The following NLRP5 variants were observed in gnomAD, a reference collection of about 807,000 sequenced individuals.
NLRP5 encodes the protein NLR family pyrin domain containing 5, also known as NACHT, LRR and PYD domains-containing protein 5.
In NLRP5, 93 loss-of-function variants were observed where a neutral mutation model predicts 113.1. That is an observed-to-expected ratio of 0.82 (90% CI 0.70 to 0.98). The LOEUF is 0.98. NLRP5 is among the 50% of genes least tolerant of loss of function. The probability of loss-of-function intolerance (pLI) is 0.00; values close to 1 mark genes in which losing one functional copy is unlikely to be tolerated. For missense variants in NLRP5, 1,808 were observed against 1,514.3 expected (o/e 1.19, Z -3.22); for synonymous variants, 751 against 600.7 (o/e 1.25, Z -3.66).
chr19:56,061,476 A>G lies in NLRP5; in HGVS notation c.3551A>G (p.Asp1184Gly), dbSNP rs545995587. ...CTACTCAAGCCCCGAGTCGTAATTG[A>G]CGGTAGTTGGCATTCTTTTGATGAA... The change falls in exon 15 of 15, where the codon GAC becomes GGC. Residue 1184 changes from aspartate to glycine, a missense_variant. Coordinates refer to ENST00000390649, the MANE Select transcript of NLRP5 (RefSeq NM_153447.4). 16 of 1,614,020 alleles carry G rather than the reference A, an allele frequency of 9.9e-6. No homozygotes were observed. In the South Asian group the frequency reaches 1.6e-4, roughly 17 times the overall value.
In NLRP5 at chr19:56,019,365, G is replaced by A; in HGVS notation, c.589G>A (p.Glu197Lys). The change falls in exon 5 of 15, where the codon GAA becomes AAA. Residue 197 changes from glutamate (E) to lysine (K), a missense_variant. Glu to Lys is a moderately conservative substitution (Grantham distance 56). Coordinates refer to ENST00000390649, the MANE Select transcript of NLRP5 (RefSeq NM_153447.4). ...AGAAATTTCACAAGCTATGGAACAA[G>A]AAGGTGCCACAGCAGCAGAGACAGA... is the stretch of plus-strand genomic sequence containing the variant. 1.2e-6 allele frequency: 2 copies of A among 1,613,976 alleles called. No homozygotes were observed. Among genetic ancestry groups the A allele is most frequent in the South Asian group, 2.2e-5 (2 of 91,088 alleles).
intron 9 of NLRP5, 46 bp downstream of exon 9, chr19:56,033,755 T>C (rs1196061561): frequency 1.3e-6 from 2 of 1,522,412 alleles, no homozygotes; most frequent in South Asian, 1.2e-5. Flanking sequence ...TCGTTTTTAC[T>C]TGTGTTTGAA....
intron 9 of NLRP5, among the ~76,000 whole-genome samples, chr19:56,037,762 T>C (rs1289233829): frequency 1.4e-5 from 2 of 146,014 alleles, no homozygotes. Flanking sequence ...TGGAGGGAAG[T>C]GGGGTAGGCA....
chr19:56,037,714 A>AAAAAAATAG, intron 9 of NLRP5, among the ~76,000 whole-genome samples: 1 of 131,672 alleles, frequency 7.6e-6, no homozygotes, highest in Admixed American at 7.6e-5. Context: ...AAAAAAAAAA[A>AAAAAAATAG]TGTTGGCTGG....
At chr19:56,024,495 ACATATG>A (rs1376748420) in intron 6 of NLRP5, among the ~76,000 whole-genome samples, 2 of 141,638 alleles carry the variant, frequency 1.4e-5, no homozygotes, top group East Asian at 2.0e-4. Context: ...ATGCGTATAT[ACATATG>A]TATATGTATA....
intron 10 of NLRP5, among the ~76,000 whole-genome samples, 191 bp from the exon 11 acceptor site, chr19:56,040,731 T>TA (rs1201130507): frequency 6.6e-6 from 1 of 151,796 alleles, no homozygotes; most frequent in Non-Finnish European, 1.5e-5. Flanking sequence ...ATACTTAGAG[T>TA]ATTCTTTTGG....
At chr19:56,017,290 A>C (rs1982443947) in intron 4 of NLRP5, among the ~76,000 whole-genome samples, 1 of 151,370 alleles carries the variant, frequency 6.6e-6, no homozygotes, top group Admixed American at 6.6e-5. Context: ...TATTTTGTTT[A>C]TTTCTTTATT....
intron 3 of NLRP5, among the ~76,000 whole-genome samples, chr19:56,009,783 G>C (rs1190606485): frequency 5.9e-5 from 9 of 152,276 alleles, no homozygotes; most frequent in African/African-American, 2.2e-4. Flanking sequence ...ACCTAATCTG[G>C]TTTGGAAGGG....
intron 10 of NLRP5, among the ~76,000 whole-genome samples, chr19:56,038,618 T>C (rs921902501): frequency 2.0e-5 from 3 of 152,076 alleles, no homozygotes; most frequent in African/African-American, 7.2e-5. Flanking sequence ...AGGCCAGAGC[T>C]CATGCATTCT....
chr19:56,028,036 G>C lies in NLRP5; in HGVS notation c.1803G>C (p.Leu601=), dbSNP rs368341639. The C allele has an allele frequency of 1.2e-6, 2 of 1,613,882 alleles. No homozygotes were observed. The highest frequency in any genetic ancestry group is 2.7e-5 in the African/African-American group (2 of 74,924). Residue 601 remains leucine (L), a synonymous_variant, in exon 7 of 15, where the codon CTG becomes CTC. Transcript: ENST00000390649. ...CCTTGTACTACGTGTTAGAGGGCCT[G>C]GAAATCGAGCCAGCTCTCTGCCCTC... is the stretch of plus-strand genomic sequence containing the variant.
At chr19:56,030,429 C>T (rs1357970607) in intron 7 of NLRP5, among the ~76,000 whole-genome samples, 2 of 151,912 alleles carry the variant, frequency 1.3e-5, no homozygotes, top group Non-Finnish European at 2.9e-5. Flanking sequence ...GTGCTAAGGC[C>T]TTGATAACAG....
At chr19:56,030,827 G>T (rs886749189) in intron 7 of NLRP5, among the ~76,000 whole-genome samples, 2 of 145,764 alleles carry the variant, frequency 1.4e-5, no homozygotes, top group Non-Finnish European at 3.0e-5. Context: ...CGATTCTCCT[G>T]CTTCGGCCTC....
upstream of NLRP5, among the ~76,000 whole-genome samples, chr19:55,998,026 A>G (rs1243688027): frequency 6.6e-6 from 1 of 152,178 alleles, no homozygotes; most frequent in Non-Finnish European, 1.5e-5. Context: ...TATCATAATC[A>G]AAATAATCAA....
Position 56,032,484 on chromosome 19 carries a change from C to A in NLRP5, c.2277-127C>A, listed in dbSNP as rs529872870. 1.6e-4 allele frequency: 117 copies of A among 714,026 alleles called. No homozygotes were observed. In the African/African-American group the frequency reaches 1.9e-3, roughly 12 times the overall value. 44.2% of individuals were successfully genotyped at this position (714,026 alleles called of 1,614,324 possible). A position where few individuals can be genotyped will look rare whatever the true frequency, so the allele number is the denominator to read the frequency against. ...AAGTGTGATGGCAGCCGCTAAGTTG[C>A]CTCAGGGCCTCTAAAGCCACCGTGG... On this transcript the variant is annotated intron_variant, in intron 7 of 14. Coordinates refer to ENST00000390649, the MANE Select transcript of NLRP5 (RefSeq NM_153447.4).
chr19:56,024,570 CACATATATAT>C (rs1409320522), intron 6 of NLRP5, among the ~76,000 whole-genome samples: 29 of 135,444 alleles, frequency 2.1e-4, no homozygotes, highest in African/African-American at 7.5e-4. Context: ...TGTATATATA[CACATATATAT>C]ACATACACAC....
At chr19:56,036,604 G>C (rs1177714398) in intron 9 of NLRP5, among the ~76,000 whole-genome samples, 1 of 152,196 alleles carries the variant, frequency 6.6e-6, no homozygotes, top group African/African-American at 2.4e-5. Context: ...AAAGAATGAT[G>C]TGTGCACACA....
intron 11 of NLRP5, among the ~76,000 whole-genome samples, chr19:56,044,020 GTTATC>G (rs755050953): frequency 6.7e-5 from 10 of 149,928 alleles, no homozygotes; most frequent in Non-Finnish European, 1.2e-4. Context: ...TTTTTCCCAT[GTTATC>G]TTCTAGAATT....
upstream of NLRP5, among the ~76,000 whole-genome samples, chr19:55,999,079 T>C (rs918412721): frequency 3.3e-5 from 5 of 152,028 alleles, no homozygotes; most frequent in African/African-American, 7.2e-5. Context: ...TTGTACCTTT[T>C]CATCAATATT....
intron 14 of NLRP5, 39 bp downstream of exon 14, chr19:56,058,449 C>T: frequency 1.3e-6 from 2 of 1,554,124 alleles, no homozygotes; most frequent in Non-Finnish European, 1.8e-6. Context: ...TACAGACCTG[C>T]TTCTGTTCCA....
Sources: gnomAD v4.1 joint callset for allele counts (sites outside exome capture counted in the v4.1 genomes callset) on GRCh38, gnomAD v4.1.1 for gene constraint, MANE v1.5 for transcripts, NCBI Gene and HGNC (gene_info 2026-07-23, HGNC 2026-07-21) for gene names.